Variants in SPOCK1 observed in about 807,000 individuals in gnomAD.
SPOCK1 encodes the protein SPARC (osteonectin), cwcv and kazal like domains proteoglycan 1.
SPOCK1 carries 23 observed loss-of-function variants against 55.3 expected under a neutral mutation model. The observed-to-expected ratio is 0.42, with a 90% CI of 0.30 to 0.59. The LOEUF (loss-of-function observed/expected upper bound fraction) is 0.59. Among genes scored for constraint, SPOCK1 ranks in the 20% least tolerant of loss-of-function variants. SPOCK1 has a pLI of 0.22. For missense variants in SPOCK1, 499 were observed against 552.5 expected (o/e 0.90, Z 0.97); for synonymous variants, 226 against 221.0 (o/e 1.02, Z -0.20).
intron 4 of SPOCK1, among the ~76,000 whole-genome samples, chr5:137,118,074 G>A (rs575461895): frequency 2.0e-5 from 3 of 151,990 alleles, no homozygotes; most frequent in Admixed American, 2.0e-4. Context: ...AACATTATTG[G>A]GTAGTACTCA....
chr5:137,228,210 G>A (rs1197391282), intron 3 of SPOCK1, among the ~76,000 whole-genome samples: 1 of 152,218 alleles, frequency 6.6e-6, no homozygotes, highest in Non-Finnish European at 1.5e-5. Context: ...CAAGGAGGCT[G>A]TCATTGTACA....
intron 6 of SPOCK1, among the ~76,000 whole-genome samples, chr5:137,039,561 C>T (rs149504114): frequency 6.6e-6 from 1 of 152,344 alleles, no homozygotes; most frequent in African/African-American, 2.4e-5. Context: ...CTACCTGCCA[C>T]CTCTCTGGCT....
Position 137,428,936 on chromosome 5 carries a change from T to C in SPOCK1, c.186+69437A>G, listed in dbSNP as rs146004929. On this transcript the variant is annotated intron_variant, in intron 2 of 10. Transcript: ENST00000394945. The stretch of plus-strand genomic sequence containing the variant: ...CTGATGGAACTCCCTCCAACCTGAG[T>C]GCCCTTGTTCTTCCCCAACCTGTTT... Among the ~76,000 whole-genome samples, 286 of 152,270 alleles carry C rather than the reference T, an allele frequency of 1.9e-3. 1 individual carries two copies. Among genetic ancestry groups the C allele is most frequent in the African/African-American group, 6.6e-3 (275 of 41,558 alleles).
chr5:137,222,338 T>C (rs62376293), intron 3 of SPOCK1, among the ~76,000 whole-genome samples: 3 of 152,160 alleles, frequency 2.0e-5, no homozygotes, highest in Non-Finnish European at 4.4e-5. Context: ...AACAGTTCAG[T>C]TTCAGTATCA....
chr5:137,008,637 C>T (rs1751296602), intron 6 of SPOCK1, among the ~76,000 whole-genome samples: 1 of 152,028 alleles, frequency 6.6e-6, no homozygotes, highest in African/African-American at 2.4e-5. Context: ...AAGGCAAATG[C>T]TACATACCCT....
chr5:137,192,327 G>T (rs1055521722), intron 3 of SPOCK1, among the ~76,000 whole-genome samples: 5 of 151,668 alleles, frequency 3.3e-5, no homozygotes, highest in South Asian at 2.1e-4. Context: ...AGGGAGGAAT[G>T]AGTTGTGCAG....
chr5:137,226,509 A>G (rs1755949697), intron 3 of SPOCK1, among the ~76,000 whole-genome samples: 1 of 152,212 alleles, frequency 6.6e-6, no homozygotes, highest in Non-Finnish European at 1.5e-5. Flanking sequence ...AGGCCACCTC[A>G]TCCTCCACTG....
chr5:137,202,869 G>A (rs1034746527), intron 3 of SPOCK1, among the ~76,000 whole-genome samples: 3 of 152,194 alleles, frequency 2.0e-5, no homozygotes, highest in Non-Finnish European at 4.4e-5. Flanking sequence ...CGCTGGACAA[G>A]TAGCTTCAGA....
chr5:137,270,895 G>A (rs1334482003), intron 2 of SPOCK1, among the ~76,000 whole-genome samples: 3 of 152,154 alleles, frequency 2.0e-5, no homozygotes, highest in Non-Finnish European at 2.9e-5. Flanking sequence ...CCAGCTACCC[G>A]AGAGGCTGAG....
intron 6 of SPOCK1, among the ~76,000 whole-genome samples, chr5:137,028,301 G>A (rs1254987548): frequency 1.3e-5 from 2 of 152,202 alleles, no homozygotes. Flanking sequence ...AAAATGCTGT[G>A]TCCCAGAGGA....
At position 137,475,021 on chromosome 5, in the gene SPOCK1, G is replaced by A. The variant is rs549564614; in HGVS notation, c.186+23352C>T. On this transcript the variant is annotated intron_variant, in intron 2 of 10. Coordinates refer to ENST00000394945, the MANE Select transcript of SPOCK1 (RefSeq NM_004598.4). ...CACTGATTATTTATTGGATACAAAG[G>A]AAACAGGGTGCCTTTACACTGAGCT... Among the ~76,000 whole-genome samples, 23 of 152,108 alleles carry A rather than the reference G, an allele frequency of 1.5e-4. No homozygotes were observed. The East Asian group carries it at 4.4e-3, about 29-fold the overall frequency.
chr5:137,343,847 G>T (rs1393945994), intron 2 of SPOCK1, among the ~76,000 whole-genome samples: 1 of 152,172 alleles, frequency 6.6e-6, no homozygotes, highest in Non-Finnish European at 1.5e-5. Context: ...CCAGTTAACT[G>T]ACTTCCAGTG....
At chr5:137,459,433 A>C (rs1162268969) in intron 2 of SPOCK1, among the ~76,000 whole-genome samples, 3 of 142,300 alleles carry the variant, frequency 2.1e-5, no homozygotes, top group South Asian at 4.6e-4. Flanking sequence ...CTACAAACAG[A>C]GAGAGGCTAA....
intron 2 of SPOCK1, among the ~76,000 whole-genome samples, chr5:137,411,443 T>C (rs1315772244): frequency 6.6e-6 from 1 of 152,128 alleles, no homozygotes; most frequent in Non-Finnish European, 1.5e-5. Context: ...AAGGACCTTG[T>C]TGGGCATGTT....
At chr5:137,460,174 T>C (rs549572438) in intron 2 of SPOCK1, among the ~76,000 whole-genome samples, 2 of 152,280 alleles carry the variant, frequency 1.3e-5, no homozygotes, top group South Asian at 2.1e-4. Flanking sequence ...ATGACAAATA[T>C]GAATCAGGCA....
intron 3 of SPOCK1, among the ~76,000 whole-genome samples, chr5:137,212,256 G>A (rs1755631548): frequency 6.6e-6 from 1 of 152,092 alleles, no homozygotes; most frequent in African/African-American, 2.4e-5. Flanking sequence ...ATATTGTGGT[G>A]ACTAAAGGTG....
chr5:137,090,532 T>C (rs1355761722), intron 5 of SPOCK1, among the ~76,000 whole-genome samples: 1 of 152,150 alleles, frequency 6.6e-6, no homozygotes, highest in East Asian at 1.9e-4. Flanking sequence ...GATTGTCAAC[T>C]CCTTGAGGAC....
intron 2 of SPOCK1, among the ~76,000 whole-genome samples, chr5:137,281,498 C>A (rs567954222): frequency 6.6e-6 from 1 of 152,212 alleles, no homozygotes; most frequent in African/African-American, 2.4e-5. Flanking sequence ...TTTGTCCTGG[C>A]ATTTCTGTAC....
At chr5:137,111,469 C>CGCA (rs1753469775) in intron 5 of SPOCK1, among the ~76,000 whole-genome samples, 2 of 152,158 alleles carry the variant, frequency 1.3e-5, no homozygotes, top group South Asian at 4.1e-4. Context: ...CCCTGACACA[C>CGCA]GCACCCATAC....
Sources: allele counts gnomAD v4.1 joint callset (sites outside exome capture counted in the v4.1 genomes callset), GRCh38; gene constraint gnomAD v4.1.1; transcripts MANE v1.5; gene names NCBI Gene and HGNC (gene_info 2026-07-23, HGNC 2026-07-21).